The following KARS1 variants were observed in gnomAD, a reference collection of about 807,000 sequenced individuals.
KARS1 encodes lysine--tRNA ligase.
In KARS1, 50 loss-of-function variants were observed where a neutral mutation model predicts 63.9. That is an observed-to-expected ratio of 0.78 (90% confidence interval 0.62 to 0.99). The LOEUF (loss-of-function observed/expected upper bound fraction) is 0.99, where lower values mean the gene tolerates loss of function less well. Ranked by LOEUF, KARS1 falls within the 50% of genes least tolerant of loss-of-function variation. The pLI is 0.00. For synonymous variants in KARS1, 320 were observed against 264.6 expected (o/e 1.21, Z -2.03); for missense variants, 816 against 754.5 (o/e 1.08, Z -0.95).
At chr16:75,644,406 C>G in intron 1 of KARS1, 1 of 1,611,792 alleles carries the variant, frequency 6.2e-7, no homozygotes, top group Non-Finnish European at 8.5e-7. Flanking sequence ...CCTAACAAGC[C>G]TTACAGCAGC....
intron 1 of KARS1, chr16:75,644,569 T>C (rs1459512882): frequency 2.9e-6 from 2 of 682,292 alleles, no homozygotes; most frequent in Non-Finnish European, 4.7e-6. Context: ...TACTACCTTT[T>C]AGTCCCATTT....
intron 1 of KARS1, chr16:75,644,394 C>A (rs2082258426): frequency 6.2e-7 from 1 of 1,612,474 alleles, no homozygotes; most frequent in African/African-American, 1.3e-5. Flanking sequence ...GCGCAGGGAC[C>A]CCCTAACAAG....
rs373980534 is a variant in KARS1 at position 75,644,423 on chromosome 16, C to A, written c.63-2700G>T. The A allele has an allele frequency of 3.8e-5, 62 of 1,610,566 alleles. No individual in the cohort carries two copies. The highest frequency in any genetic ancestry group is 4.8e-5 in the Non-Finnish European group (57 of 1,178,234). ...TAACAAGCCTTACAGCAGCTTGCGTCAACATGGCAGAGCACCCTGGAACTA... is the reference window on the plus strand; with the variant it reads ...TAACAAGCCTTACAGCAGCTTGCGTAAACATGGCAGAGCACCCTGGAACTA... On this transcript the variant is annotated intron_variant, in intron 1 of 13. Transcript: ENST00000302445.
At chr16:75,644,053 G>C (rs957254911) in intron 1 of KARS1, among the ~76,000 whole-genome samples, 2 of 152,208 alleles carry the variant, frequency 1.3e-5, no homozygotes, top group African/African-American at 4.8e-5. Context: ...CAAAGGTTTT[G>C]TTCTTAGCAC....
intron 7 of KARS1, among the ~76,000 whole-genome samples, chr16:75,632,413 TC>T (rs539800019): frequency 1.5e-3 from 231 of 152,218 alleles, no homozygotes; most frequent in African/African-American, 5.3e-3. Flanking sequence ...AGTCTGAACC[TC>T]CCCAAGGAAG....
At chr16:75,636,348 C>T (rs1458062412) in intron 4 of KARS1, 106 bp downstream of exon 4, 4 of 868,526 alleles carry the variant, frequency 4.6e-6, no homozygotes, top group East Asian at 4.8e-5. Flanking sequence ...AACCATGTCC[C>T]ACTCCTTCTT....
At chr16:75,642,465 G>A (rs2082236857) in intron 1 of KARS1, among the ~76,000 whole-genome samples, 1 of 152,058 alleles carries the variant, frequency 6.6e-6, no homozygotes, top group Non-Finnish European at 1.5e-5. Flanking sequence ...GCCTCCCAAA[G>A]TGCTAGGATT....
At chr16:75,644,585 A>G (rs892890104) in intron 1 of KARS1, 6 of 604,818 alleles carry the variant, frequency 9.9e-6, no homozygotes, top group Non-Finnish European at 1.7e-5. Context: ...CATTTAACTT[A>G]AGACTGTCTT....
intron 6 of KARS1, chr16:75,635,276 A>G: frequency 3.2e-6 from 1 of 309,512 alleles, no homozygotes; most frequent in Non-Finnish European, 6.3e-6. Context: ...TATCAAACTC[A>G]AGTTTGGGTA....
In KARS1 at chr16:75,627,758, T is replaced by C. The variant is rs2082066693; in HGVS notation, c.*137A>G. 1 of 701,754 alleles carries C rather than the reference T, an allele frequency of 1.4e-6. No individual in the cohort carries two copies. Among genetic ancestry groups the C allele is most frequent in the South Asian group, 1.5e-5 (1 of 66,584 alleles). 43.5% of individuals were successfully genotyped at this position (701,754 alleles called of 1,614,324 possible). ...AACAGGATTAAAAAGAAATTTTTAATTCCTTGTCTCTCTTCTGATGGCTGA... is the reference window on the plus strand; with the variant it reads ...AACAGGATTAAAAAGAAATTTTTAACTCCTTGTCTCTCTTCTGATGGCTGA... On this transcript the variant is annotated 3_prime_UTR_variant, in exon 14 of 14. Transcript: ENST00000302445.
At chr16:75,634,462 A>T (rs1007773505) in intron 6 of KARS1, among the ~76,000 whole-genome samples, 170 bp from the exon 7 acceptor site, 1 of 152,260 alleles carries the variant, frequency 6.6e-6, no homozygotes, top group African/African-American at 2.4e-5. Flanking sequence ...ATTTTCTACG[A>T]CAGTGTCTCA....
Position 75,629,396 on chromosome 16 carries a change from TCA to T in KARS1, c.1551+17_1551+18del, listed in dbSNP as rs769981436. 1.2e-5 allele frequency: 20 copies of T among 1,613,548 alleles called. No homozygotes were observed. The highest frequency in any genetic ancestry group is 1.5e-5 in the Non-Finnish European group (18 of 1,179,674). ...CCTGGTGAGTTGGCACAGCTTCTGCTCACAGTCCCCTTTCTCACCTTGGCCTG... is the reference window on the plus strand; with the variant it reads ...CCTGGTGAGTTGGCACAGCTTCTGCTCAGTCCCCTTTCTCACCTTGGCCTG... On this transcript the variant is annotated intron_variant, in intron 12 of 13. Coordinates refer to ENST00000302445, the MANE Select transcript of KARS1 (RefSeq NM_005548.3).
intron 6 of KARS1, among the ~76,000 whole-genome samples, chr16:75,635,031 C>T (rs561332422): frequency 4.6e-4 from 70 of 152,310 alleles, no homozygotes; most frequent in African/African-American, 1.7e-3. Context: ...TATAAAGATG[C>T]TTGTTGGAAC....
intron 6 of KARS1, among the ~76,000 whole-genome samples, chr16:75,635,136 C>G (rs2151805095): frequency 6.6e-6 from 1 of 152,302 alleles, no homozygotes; most frequent in African/African-American, 2.4e-5. Flanking sequence ...TCACAATACA[C>G]ATAGTGTGAC....
intron 2 of KARS1, 113 bp downstream of exon 2, chr16:75,641,451 G>T: frequency 1.2e-6 from 1 of 860,920 alleles, no homozygotes. Flanking sequence ...CTTATCCCTG[G>T]CAGTGACCTC....
Position 75,636,489 on chromosome 16 carries a change from T to G in KARS1, c.447A>C (p.Gly149=). Residue 149 remains glycine, a synonymous_variant, in exon 4 of 14, where the codon GGA becomes GGC. Coordinates refer to ENST00000302445, the MANE Select transcript of KARS1 (RefSeq NM_005548.3). Reference sequence around the variant, plus strand: ...CCATGACTTGCAACTTCACCCCCTCTCCTCGAAGATCATAGAAGATGAGCT... The same window carrying G: ...CCATGACTTGCAACTTCACCCCCTCGCCTCGAAGATCATAGAAGATGAGCT... ...GGKLIFYDLR[G]EGVKLQVMAN... is the part of the protein sequence containing the mutation. 1.9e-6 allele frequency: 3 copies of G among 1,613,574 alleles called. 1 individual carries two copies. The South Asian group carries it at 3.3e-5, about 18-fold the overall frequency.
rs372273392 is a variant in KARS1, at chr16:75,631,679, A to C, written c.1078+14T>G. Reference sequence around the variant, plus strand: ...ACCAACCACCCGATGAGTATGAGAGAGAGCAGGAGTCACCTGAAACCATCT... The same window carrying C: ...ACCAACCACCCGATGAGTATGAGAGCGAGCAGGAGTCACCTGAAACCATCT... On this transcript the variant is annotated intron_variant, in intron 8 of 13. Transcript: ENST00000302445. 5.6e-6 allele frequency: 9 copies of C among 1,614,052 alleles called. No homozygotes were observed. The highest frequency in any genetic ancestry group is 4.0e-5 in the African/African-American group (3 of 74,934).
intron 1 of KARS1, 132 bp downstream of exon 1, chr16:75,647,446 G>A (rs1311282735): frequency 7.0e-6 from 6 of 856,386 alleles, no homozygotes; most frequent in South Asian, 1.4e-5. Flanking sequence ...CAGCCACCAC[G>A]TCTCAGCATG....
rs758106723 is a variant in KARS1 at position 75,628,642 on chromosome 16, A to G, written c.1622T>C (p.Leu541Pro). 1 of 1,614,132 alleles carries G rather than the reference A, an allele frequency of 6.2e-7. No homozygotes were observed. The highest frequency in any genetic ancestry group is 1.1e-5 in the South Asian group (1 of 91,084). The change falls in exon 13 of 14, where the codon CTG becomes CCG. Residue 541 changes from leucine to proline, a missense_variant. Leu to Pro is a moderately conservative substitution (Grantham distance 98). Transcript: ENST00000302445. ...CATGCCCCAGCCAGCTGTGGGGGGC[A>G]GCCCATATTCCAGGGCAGTACAGAA... ...ENFCTALEYG[L>P]PPTAGWGMGI...
Sources: allele counts gnomAD v4.1 joint callset (sites outside exome capture counted in the v4.1 genomes callset), GRCh38; gene constraint gnomAD v4.1.1; transcripts MANE v1.5; gene names NCBI Gene and HGNC (gene_info 2026-07-23, HGNC 2026-07-21).